Variants in SESTD1 observed in about 807,000 individuals in gnomAD.
The protein encoded by SESTD1 is SEC14 and spectrin domain containing 1.
SESTD1 carries 43 observed loss-of-function variants against 101.7 expected under a neutral mutation model. The observed-to-expected ratio is 0.42, with a 90% confidence interval of 0.33 to 0.55. The LOEUF (loss-of-function observed/expected upper bound fraction) is 0.55, where lower values mean the gene tolerates loss of function less well. SESTD1 is among the 20% of genes least tolerant of loss of function. The pLI, the probability that SESTD1 is intolerant of heterozygous loss-of-function variation, is 0.07. For synonymous variants in SESTD1, 283 were observed against 286.8 expected (o/e 0.99, Z 0.13); for missense variants, 647 against 815.1 (o/e 0.79, Z 2.51).
chr2:179,117,398 A>AAGAT (rs3217565), intron 14 of SESTD1, 134 bp downstream of exon 14: 3 of 698,676 alleles, frequency 4.3e-6, no homozygotes, highest in South Asian at 2.2e-5. Flanking sequence ...ATTCTTCAAC[A>AAGAT]AGATAGATAA....
chr2:179,116,859 A>G lies in SESTD1; in HGVS notation c.1525-69T>C, dbSNP rs368324910. 12 of 1,558,504 alleles carry G rather than the reference A, an allele frequency of 7.7e-6. 1 individual carries two copies. Among genetic ancestry groups the G allele is most frequent in the South Asian group, 5.9e-5 (5 of 84,754 alleles). On this transcript the variant is annotated intron_variant, in intron 14 of 17. Coordinates refer to ENST00000428443, the MANE Select transcript of SESTD1 (RefSeq NM_178123.5). The stretch of plus-strand genomic sequence containing the variant: ...TACTTATTGTATCAAAATGTCATTT[A>G]TACAGAGATTACTATCATGTGATTA...
rs553257561 is a variant in SESTD1, at chr2:179,241,645, G to A, written c.-26+22854C>T. 1.9e-4 allele frequency among the ~76,000 whole-genome samples: 29 copies of A among 151,766 alleles called. No individual in the cohort carries two copies. In the South Asian group the frequency reaches 3.8e-3, roughly 20 times the overall value. On this transcript the variant is annotated intron_variant, in intron 1 of 17. Coordinates refer to ENST00000428443, the MANE Select transcript of SESTD1 (RefSeq NM_178123.5). ...ATCTTTAAAAAAAAAATTTAGGGCC[G>A]GGCACAGTGGCTCACGCATGTAATC...
At chr2:179,182,744 T>G (rs1463181153) in intron 3 of SESTD1, among the ~76,000 whole-genome samples, 3 of 152,168 alleles carry the variant, frequency 2.0e-5, no homozygotes, top group Non-Finnish European at 2.9e-5. Context: ...TATATCAATA[T>G]GGTGAAATAG....
chr2:179,141,576 A>C (rs2045276541), intron 9 of SESTD1, among the ~76,000 whole-genome samples: 1 of 152,126 alleles, frequency 6.6e-6, no homozygotes, highest in Non-Finnish European at 1.5e-5. Context: ...CCAGACACTA[A>C]ATATTTTATA....
intron 1 of SESTD1, among the ~76,000 whole-genome samples, chr2:179,244,371 A>G (rs1420478883): frequency 6.6e-6 from 1 of 152,012 alleles, no homozygotes; most frequent in East Asian, 1.9e-4. Context: ...AGACAGGAGA[A>G]TCACTTGAAC....
chr2:179,152,354 G>A (rs926403324), intron 5 of SESTD1, among the ~76,000 whole-genome samples: 3 of 152,102 alleles, frequency 2.0e-5, no homozygotes, highest in African/African-American at 4.8e-5. Flanking sequence ...ACCACAGAGC[G>A]CATGTGCGAA....
At chr2:179,257,193 T>G (rs1286721600) in intron 1 of SESTD1, among the ~76,000 whole-genome samples, 1 of 151,698 alleles carries the variant, frequency 6.6e-6, no homozygotes, top group Non-Finnish European at 1.5e-5. Context: ...ATCTTGAACC[T>G]ATTCTGGTTC....
intron 2 of SESTD1, 107 bp downstream of exon 2, chr2:179,191,680 T>A: frequency 3.2e-6 from 3 of 923,966 alleles, no homozygotes; most frequent in Non-Finnish European, 3.4e-6. Context: ...AAATACCTTT[T>A]AAACAAAACT....
chr2:179,129,382 AT>A (rs967568164), intron 10 of SESTD1, among the ~76,000 whole-genome samples: 5 of 151,938 alleles, frequency 3.3e-5, no homozygotes, highest in Non-Finnish European at 5.9e-5. Context: ...CATGTACCTT[AT>A]TTTTTTTGTT....
chr2:179,200,236 G>T (rs75744546), intron 1 of SESTD1, among the ~76,000 whole-genome samples: 1 of 151,924 alleles, frequency 6.6e-6, no homozygotes, highest in East Asian at 1.9e-4. Flanking sequence ...ACCTCTTCAA[G>T]GAGAACTACA....
chr2:179,145,833 T>C (rs2045382583), intron 8 of SESTD1, among the ~76,000 whole-genome samples: 1 of 152,026 alleles, frequency 6.6e-6, no homozygotes, highest in African/African-American at 2.4e-5. Context: ...GTTAGGAGAA[T>C]GAAAAATAAA....
intron 1 of SESTD1, among the ~76,000 whole-genome samples, chr2:179,251,628 C>T (rs914149159): frequency 7.9e-5 from 12 of 152,318 alleles, no homozygotes; most frequent in African/African-American, 2.6e-4. Flanking sequence ...TGTCCTCCCC[C>T]ACAAAATCAT....
intron 17 of SESTD1, among the ~76,000 whole-genome samples, chr2:179,112,474 G>C (rs1310901892): frequency 6.6e-6 from 1 of 152,222 alleles, no homozygotes; most frequent in African/African-American, 2.4e-5. Context: ...CTAGAACCCA[G>C]TGTCTTAATC....
intron 13 of SESTD1, 115 bp downstream of exon 13, chr2:179,121,655 A>G: frequency 1.3e-6 from 1 of 772,102 alleles, no homozygotes; most frequent in Non-Finnish European, 1.8e-6. Flanking sequence ...AACCTACTAC[A>G]TGTCTTCTAT....
Position 179,160,855 on chromosome 2 carries a change from A to G in SESTD1, c.370-9464T>C, listed in dbSNP as rs562375443. On this transcript the variant is annotated intron_variant, in intron 5 of 17. Transcript: ENST00000428443. The stretch of plus-strand genomic sequence containing the variant: ...GTAGTATATATAATAAGCTCATTTT[A>G]ATTTTTTTAAAAAAGGATTTACTTA... 2.0e-5 allele frequency among the ~76,000 whole-genome samples: 3 copies of G among 152,138 alleles called. No homozygotes were observed. The East Asian group carries it at 5.8e-4, about 29-fold the overall frequency.
intron 1 of SESTD1, among the ~76,000 whole-genome samples, chr2:179,229,777 TCAA>T (rs2046953059): frequency 4.7e-5 from 3 of 63,616 alleles, no homozygotes; most frequent in Admixed American, 1.4e-4. Flanking sequence ...ATATATATAC[TCAA>T]ATACACACAC....
chr2:179,229,072 G>A (rs1184718089), intron 1 of SESTD1, among the ~76,000 whole-genome samples: 1 of 152,150 alleles, frequency 6.6e-6, no homozygotes, highest in Non-Finnish European at 1.5e-5. Flanking sequence ...GAGGATTCAA[G>A]GAGGTAGTCT....
At chr2:179,116,464 G>C in intron 15 of SESTD1, 1 of 687,042 alleles carries the variant, frequency 1.5e-6, no homozygotes, top group East Asian at 2.9e-5. Flanking sequence ...GGACCATGCA[G>C]AACATGTATT....
At chr2:179,224,767 A>G (rs2046860664) in intron 1 of SESTD1, among the ~76,000 whole-genome samples, 1 of 152,186 alleles carries the variant, frequency 6.6e-6, no homozygotes, top group Admixed American at 6.6e-5. Flanking sequence ...GGGATCCTCC[A>G]TATTGTTGAA....
Sources: allele counts gnomAD v4.1 joint callset (sites outside exome capture counted in the v4.1 genomes callset), GRCh38; gene constraint gnomAD v4.1.1; transcripts MANE v1.5; gene names NCBI Gene and HGNC (gene_info 2026-07-23, HGNC 2026-07-21).